Variants in PIEZO2 observed in about 807,000 individuals in gnomAD.
PIEZO2 encodes the protein piezo-type mechanosensitive ion channel component 2.
A neutral mutation model predicts 337.3 loss-of-function variants in PIEZO2; 172 were observed. That is an observed-to-expected ratio of 0.51 (90% CI 0.45 to 0.58). The LOEUF (loss-of-function observed/expected upper bound fraction) is 0.58. Ranked by LOEUF, PIEZO2 falls within the 20% of genes least tolerant of loss-of-function variation. PIEZO2 has a pLI of 0.00. For synonymous variants in PIEZO2, 1,251 were observed against 1,228.5 expected, an observed-to-expected ratio of 1.02 and a Z score of -0.38; for missense variants, 3,028 against 3,391.3, an observed-to-expected ratio of 0.89 and a Z score of 2.66.
intron 30 of PIEZO2, 82 bp from the exon 31 acceptor site, chr18:10,744,313 T>G (rs1336056376): frequency 2.2e-5 from 20 of 894,238 alleles, no homozygotes; most frequent in Non-Finnish European, 3.5e-5. Context: ...TACTAAGGGT[T>G]AGAAAACATA....
At chr18:10,852,925 A>G (rs1380076431) in intron 7 of PIEZO2, among the ~76,000 whole-genome samples, 1 of 152,180 alleles carries the variant, frequency 6.6e-6, no homozygotes, top group Non-Finnish European at 1.5e-5. Context: ...CTAAAATAGT[A>G]ATTGGTTGCA....
chr18:10,758,015 C>A lies in PIEZO2; in HGVS notation c.3877G>T (p.Ala1293Ser), dbSNP rs979333670. Reference protein sequence around the residue: ...NVEICMNLDAASFSQHNPVPD... With the variant: ...NVEICMNLDASSFSQHNPVPD... ...ACAGGGTTATGTTGGCTGAAGGAGGCCGCATCAAGGTTCATGCAGATCTCG... is the reference window on the plus strand; with the variant it reads ...ACAGGGTTATGTTGGCTGAAGGAGGACGCATCAAGGTTCATGCAGATCTCG... The change falls in exon 27 of 56, where the codon GCC (alanine) becomes TCC (serine). Residue 1293 changes from alanine to serine, a missense_variant. This residue lies in a region of PIEZO2 where 1,925 missense variants were observed against 2,051.9 expected (regional missense o/e 0.94). Coordinates refer to ENST00000674853, the MANE Select transcript of PIEZO2 (RefSeq NM_001378183.1). The A allele has an allele frequency of 1.3e-6, 2 of 1,536,858 alleles. No homozygotes were observed. The highest frequency in any genetic ancestry group is 2.7e-5 in the African/African-American group (2 of 72,978).
At chr18:10,875,522 A>C (rs562630010) in intron 4 of PIEZO2, among the ~76,000 whole-genome samples, 2 of 152,290 alleles carry the variant, frequency 1.3e-5, no homozygotes, top group African/African-American at 4.8e-5. Flanking sequence ...CAGGAGTAGT[A>C]GTAGGTTGGT....
intron 4 of PIEZO2, among the ~76,000 whole-genome samples, chr18:10,890,957 C>T (rs1029323890): frequency 3.9e-5 from 6 of 152,140 alleles, no homozygotes; most frequent in Admixed American, 6.5e-5. Context: ...AAAAATATAT[C>T]GAATCTCCTT....
chr18:10,869,878 A>T (rs1216871175), intron 5 of PIEZO2, among the ~76,000 whole-genome samples: 1 of 152,106 alleles, frequency 6.6e-6, no homozygotes, highest in Non-Finnish European at 1.5e-5. Context: ...AATTTTAGAC[A>T]ATGTATATAT....
At chr18:10,742,785 T>TTTA (rs777917069) in intron 31 of PIEZO2, among the ~76,000 whole-genome samples, 170 bp from the exon 32 acceptor site, 29 of 137,964 alleles carry the variant, frequency 2.1e-4, no homozygotes, top group Non-Finnish European at 3.8e-4. Flanking sequence ...TCTCCTTTCT[T>TTTA]TTATATACAT....
rs930637995 is a variant in PIEZO2 at position 11,131,847 on chromosome 18, A to G, written c.64+16678T>C. Among the ~76,000 whole-genome samples the G allele has an allele frequency of 2.0e-5, 3 of 152,190 alleles. No individual in the cohort carries two copies. Among genetic ancestry groups the G allele is most frequent in the Non-Finnish European group, 4.4e-5 (3 of 68,020 alleles). On this transcript the variant is annotated intron_variant, in intron 1 of 55. Coordinates refer to ENST00000674853, the MANE Select transcript of PIEZO2 (RefSeq NM_001378183.1). This position sits in a 1 kb window ranked among gnomAD's most constrained non-coding sequence, Gnocchi z 5.3. ...GGAGGAGTTTAATAATGAAGCGGAT[A>G]GGATGACCTGTTGTGTGGACACCAC...
At position 10,741,082 on chromosome 18, in the gene PIEZO2, C is replaced by T. The variant is rs766911756; in HGVS notation, c.4657G>A (p.Ala1553Thr). The change falls in exon 33 of 56, where the codon GCC becomes ACC. Residue 1553 changes from alanine to threonine, a missense_variant. By Grantham distance (58) the Ala-to-Thr change is moderately conservative (BLOSUM62 0). Coordinates refer to ENST00000674853, the MANE Select transcript of PIEZO2 (RefSeq NM_001378183.1). ...CACCACTGCTTTTTTTTGCCCTTGG[C>T]TTTCTGTTTGTCTGCTTCTCCTAAA... ...DDEREADKQK[A>T]KGKKKQWWRP... 17 of 1,536,680 alleles carry T rather than the reference C, an allele frequency of 1.1e-5. No homozygotes were observed. Among genetic ancestry groups the T allele is most frequent in the Middle Eastern group, 3.3e-4 (2 of 6,012 alleles).
Position 10,850,336 on chromosome 18 carries a change from T to C in PIEZO2, c.917+5017A>G, listed in dbSNP as rs1240298839. ...GCGTGGAATTTCAGTTTATACCATA[T>C]GCATGGGGAGGGCATCGCAAACCGG... On this transcript the variant is annotated intron_variant, in intron 7 of 55. Transcript: ENST00000674853. The surrounding 1 kb of genome is among the most constrained non-coding windows in gnomAD (Gnocchi z 4.5). Among the ~76,000 whole-genome samples the C allele has an allele frequency of 6.6e-6, 1 of 152,202 alleles. No individual in the cohort carries two copies. Among genetic ancestry groups the C allele is most frequent in the Non-Finnish European group, 1.5e-5 (1 of 68,042 alleles).
intron 4 of PIEZO2, among the ~76,000 whole-genome samples, chr18:10,907,369 G>C (rs577071390): frequency 6.6e-6 from 1 of 152,078 alleles, no homozygotes; most frequent in South Asian, 2.1e-4. Flanking sequence ...CCTGAACCCG[G>C]GAAGCAGAGG....
At chr18:10,749,117 G>A (rs148575621) in intron 29 of PIEZO2, among the ~76,000 whole-genome samples, 3 of 151,980 alleles carry the variant, frequency 2.0e-5, no homozygotes, top group Admixed American at 6.6e-5. Context: ...GTGAGGCTTC[G>A]GCAAAATATA....
At chr18:10,675,940 A>G (rs694912) in intron 53 of PIEZO2, among the ~76,000 whole-genome samples, 68,009 of 152,060 alleles carry the variant, frequency 0.45, 16,469 homozygotes, top group East Asian at 0.72. Flanking sequence ...GCCTTCCACC[A>G]TGATTGTGAG....
chr18:10,967,970 C>T (rs969551525), intron 3 of PIEZO2, among the ~76,000 whole-genome samples: 8 of 152,024 alleles, frequency 5.3e-5, no homozygotes, highest in Admixed American at 1.3e-4. Context: ...TAAGTCCCAT[C>T]TATTTATCTT....
rs1568155692 is a variant in PIEZO2 at position 10,877,219 on chromosome 18, T to G, written c.330-5804A>C. Among the ~76,000 whole-genome samples the G allele has an allele frequency of 6.6e-6, 1 of 152,190 alleles. No individual in the cohort carries two copies. The highest frequency in any genetic ancestry group is 1.5e-5 in the Non-Finnish European group (1 of 68,022). On this transcript the variant is annotated intron_variant, in intron 4 of 55. Coordinates refer to ENST00000674853, the MANE Select transcript of PIEZO2 (RefSeq NM_001378183.1). The surrounding 1 kb of genome is among the most constrained non-coding windows in gnomAD (Gnocchi z 5.3). ...ATGATATCCATCCCCAAGGCCCTAA[T>G]CAGCATCCACATGGTGACTTATCCA...
chr18:10,744,380 G>T, intron 30 of PIEZO2, 149 bp from the exon 31 acceptor site: 1 of 599,070 alleles, frequency 1.7e-6, no homozygotes. Context: ...AGTCAACAAG[G>T]CCCCTTCTAG....
intron 2 of PIEZO2, among the ~76,000 whole-genome samples, chr18:11,020,119 C>T (rs28482223): frequency 2.6e-5 from 4 of 151,894 alleles, no homozygotes; most frequent in African/African-American, 9.7e-5. Flanking sequence ...ATCTGGGGAG[C>T]GATTTTTAAA....
At chr18:10,780,816 T>C (rs529786939) in intron 17 of PIEZO2, among the ~76,000 whole-genome samples, 6 of 151,724 alleles carry the variant, frequency 4.0e-5, no homozygotes, top group Non-Finnish European at 7.4e-5. Flanking sequence ...GTGTATGCCA[T>C]CATACCTGGC....
chr18:11,049,748 GCCACCATGTAAGACATGCCTTTCGCCTC>G (rs2037454144), intron 2 of PIEZO2, among the ~76,000 whole-genome samples: 1 of 152,122 alleles, frequency 6.6e-6, no homozygotes, highest in Non-Finnish European at 1.5e-5. Context: ...TGTCTTGCCT[GCCACCATGTAAGACATGCCTTTCGCCTC>G]CCACCATGAT....
intron 8 of PIEZO2, 25 bp from the exon 9 acceptor site, chr18:10,804,019 C>G (rs1331571981): frequency 2.0e-6 from 3 of 1,536,592 alleles, no homozygotes; most frequent in Non-Finnish European, 1.7e-6. Context: ...CAGGATCAGT[C>G]TTGCTTCCTG....
Sources: allele counts gnomAD v4.1 joint callset (sites outside exome capture counted in the v4.1 genomes callset), GRCh38; gene constraint gnomAD v4.1.1; regional missense constraint gnomAD v4.1.1; non-coding constraint Gnocchi (gnomAD v3.1); transcripts MANE v1.5; gene names NCBI Gene and HGNC (gene_info 2026-07-23, HGNC 2026-07-21).